The following CPNE4 variants were observed in gnomAD, a reference collection of about 807,000 sequenced individuals.
The protein encoded by CPNE4 is copine 4, also known as copine-4.
A neutral mutation model predicts 67.9 loss-of-function variants in CPNE4; 25 were observed. That is an observed-to-expected ratio of 0.37 (90% CI 0.27 to 0.51). The LOEUF (loss-of-function observed/expected upper bound fraction) is 0.51, where lower values mean the gene tolerates loss of function less well. Among genes scored for constraint, CPNE4 ranks in the 20% least tolerant of loss-of-function variants. The pLI is 0.93. For missense variants in CPNE4, 464 were observed against 690.8 expected, an observed-to-expected ratio of 0.67 and a Z score of 3.68; for synonymous variants, 242 against 244.9, an observed-to-expected ratio of 0.99 and a Z score of 0.11.
intron 2 of CPNE4, among the ~76,000 whole-genome samples, chr3:131,826,324 T>TG (rs1285954678): frequency 6.6e-6 from 1 of 152,122 alleles, no homozygotes; most frequent in African/African-American, 2.4e-5. Flanking sequence ...CCTCAGTAGC[T>TG]GGGACCACAG....
At chr3:131,676,259 A>G (rs2080565383) in intron 6 of CPNE4, among the ~76,000 whole-genome samples, 1 of 151,878 alleles carries the variant, frequency 6.6e-6, no homozygotes, top group Non-Finnish European at 1.5e-5. Flanking sequence ...GGGTTTTACC[A>G]TGTTGGCCAG....
intron 2 of CPNE4, among the ~76,000 whole-genome samples, chr3:131,726,371 T>C (rs933433834): frequency 7.9e-5 from 12 of 152,142 alleles, no homozygotes; most frequent in East Asian, 1.9e-4. Flanking sequence ...AATGACAAGA[T>C]GGAAAGACAT....
At position 131,639,660 on chromosome 3, in the gene CPNE4, C is replaced by T. The variant is rs530568084; in HGVS notation, c.681+30015G>A. ...GAATCCTTCCTAAATCATTCTATGA[C>T]GCCAGCATCGCCCTAATACCAAAAC... On this transcript the variant is annotated intron_variant, in intron 7 of 15. Transcript: ENST00000429747. Among the ~76,000 whole-genome samples the T allele has an allele frequency of 1.6e-4, 24 of 152,064 alleles. No homozygotes were observed. In the South Asian group the frequency reaches 1.7e-3, roughly 11 times the overall value.
intron 7 of CPNE4, among the ~76,000 whole-genome samples, chr3:131,656,179 G>T (rs1421737174): frequency 6.6e-6 from 1 of 151,402 alleles, no homozygotes; most frequent in African/African-American, 2.4e-5. Context: ...ACTCCCTATG[G>T]CTGGTGGAGG....
At chr3:131,713,679 C>A (rs2081613782) in intron 3 of CPNE4, among the ~76,000 whole-genome samples, 1 of 152,096 alleles carries the variant, frequency 6.6e-6, no homozygotes, top group African/African-American at 2.4e-5. Flanking sequence ...ACTCATGACT[C>A]CAATCCAGGA....
chr3:131,539,084 T>A (rs1055372663), intron 15 of CPNE4: 1 of 152,220 alleles, frequency 6.6e-6, no homozygotes, highest in East Asian at 1.9e-4. Context: ...CATAAAATGA[T>A]TTAAGCTGCT....
At chr3:131,627,207 A>AAAAG (rs1290445313) in intron 7 of CPNE4, among the ~76,000 whole-genome samples, 1 of 150,756 alleles carries the variant, frequency 6.6e-6, no homozygotes, top group Non-Finnish European at 1.5e-5. Context: ...AAAAAAAAAA[A>AAAAG]AAAGAAAAAA....
At chr3:131,662,216 C>T (rs75927064) in intron 7 of CPNE4, among the ~76,000 whole-genome samples, 1 of 152,268 alleles carries the variant, frequency 6.6e-6, no homozygotes, top group African/African-American at 2.4e-5. Flanking sequence ...GAGGCAAACT[C>T]TATGAGTGGA....
At chr3:131,832,970 T>G (rs1040332020) in intron 2 of CPNE4, among the ~76,000 whole-genome samples, 1 of 152,128 alleles carries the variant, frequency 6.6e-6, no homozygotes, top group Non-Finnish European at 1.5e-5. Context: ...TGTGATAGTA[T>G]TAGGAAGTGA....
rs148572992 is a variant in CPNE4 at position 131,851,269 on chromosome 3, T to G, written c.180+53995A>C. Among the ~76,000 whole-genome samples the G allele has an allele frequency of 1.3e-3, 203 of 152,236 alleles. 1 individual carries two copies. The highest frequency in any genetic ancestry group is 4.7e-3 in the African/African-American group (197 of 41,552). ...GAAGGTTTAAAAATGAGACTATATT[T>G]GGATATTACTCATTCAATTAAAAAT... On this transcript the variant is annotated intron_variant, in intron 2 of 15. Coordinates refer to ENST00000429747, the MANE Select transcript of CPNE4 (RefSeq NM_130808.3).
chr3:131,855,071 T>C (rs1479040307), intron 2 of CPNE4, among the ~76,000 whole-genome samples: 1 of 152,008 alleles, frequency 6.6e-6, no homozygotes, highest in African/African-American at 2.4e-5. Context: ...AGAGAAAGTA[T>C]AATAGCTTTT....
At chr3:131,660,413 G>A (rs1033760256) in intron 7 of CPNE4, among the ~76,000 whole-genome samples, 5 of 152,162 alleles carry the variant, frequency 3.3e-5, no homozygotes, top group African/African-American at 4.8e-5. Context: ...TGGGAAGGAT[G>A]ATGTGTTTTG....
At chr3:131,536,684 A>C (rs942865906) in intron 15 of CPNE4, among the ~76,000 whole-genome samples, 2 of 152,236 alleles carry the variant, frequency 1.3e-5, no homozygotes, top group Non-Finnish European at 2.9e-5. Context: ...AAAACACTGT[A>C]AAGAGTTTTT....
intron 2 of CPNE4, among the ~76,000 whole-genome samples, chr3:131,751,259 T>A (rs1461844430): frequency 1.3e-5 from 2 of 152,132 alleles, no homozygotes; most frequent in Non-Finnish European, 2.9e-5. Flanking sequence ...ATTTATCCCT[T>A]CCTTCTTGGA....
chr3:132,034,540 A>G (rs1462367692), intron 1 of CPNE4, 27 bp downstream of exon 1: 5 of 972,754 alleles, frequency 5.1e-6, no homozygotes, highest in Non-Finnish European at 2.4e-6. Flanking sequence ...CCAGGAACAC[A>G]GGAATGAAGA....
chr3:131,712,682 G>T (rs2081588500), intron 3 of CPNE4, among the ~76,000 whole-genome samples: 1 of 152,232 alleles, frequency 6.6e-6, no homozygotes, highest in African/African-American at 2.4e-5. Flanking sequence ...CTGGCCGTTT[G>T]CCATACTATG....
intron 4 of CPNE4, among the ~76,000 whole-genome samples, chr3:131,696,991 G>A (rs530156462): frequency 6.6e-6 from 1 of 152,300 alleles, no homozygotes; most frequent in African/African-American, 2.4e-5. Context: ...AGGAAAAACA[G>A]CAATATTTCT....
chr3:131,547,163 G>T lies in CPNE4; in HGVS notation c.1302+2784C>A, dbSNP rs1408917418. Among the ~76,000 whole-genome samples the T allele has an allele frequency of 2.0e-5, 3 of 152,030 alleles. No individual in the cohort carries two copies. The East Asian group carries it at 5.8e-4, about 29-fold the overall frequency. ...ATGTTGGTCTATAATCCTGAGAAGT[G>T]TTGGTGGTTAGCCAGATGCATTGGC... is the stretch of plus-strand genomic sequence containing the variant. On this transcript the variant is annotated intron_variant, in intron 14 of 15. Transcript: ENST00000429747.
At chr3:131,643,417 A>G (rs1049106101) in intron 7 of CPNE4, among the ~76,000 whole-genome samples, 2 of 152,160 alleles carry the variant, frequency 1.3e-5, no homozygotes, top group Non-Finnish European at 2.9e-5. Context: ...GATTGGGTGT[A>G]TTTACCCAAT....
Sources: gnomAD v4.1 joint callset for allele counts (sites outside exome capture counted in the v4.1 genomes callset) on GRCh38, gnomAD v4.1.1 for gene constraint, MANE v1.5 for transcripts, NCBI Gene and HGNC (gene_info 2026-07-23, HGNC 2026-07-21) for gene names.